Variants in TLN2 observed in about 807,000 individuals in gnomAD.
TLN2 encodes talin-2.
Under a neutral mutation model 294.7 loss-of-function variants are expected in TLN2, and 118 were observed. The ratio of observed to expected loss-of-function variants is 0.40; its 90% CI spans 0.34 to 0.47. The LOEUF (loss-of-function observed/expected upper bound fraction) is 0.47. Among genes scored for constraint, TLN2 ranks in the 20% least tolerant of loss-of-function variants. TLN2 has a pLI of 0.84. For synonymous variants in TLN2, 1,431 were observed against 1,304.5 expected (o/e 1.10, Z -2.09); for missense variants, 3,083 against 3,282.2 (o/e 0.94, Z 1.48).
intron 1 of TLN2, among the ~76,000 whole-genome samples, chr15:62,450,563 GTGTGTGTGTGT>G (rs1233118605): frequency 1.3e-5 from 2 of 148,986 alleles, no homozygotes; most frequent in East Asian, 3.9e-4. Flanking sequence ...GTGTGTGTGT[GTGTGTGTGTGT>G]CTGTGTGTGT....
chr15:62,464,118 A>G (rs2036972773), intron 1 of TLN2, among the ~76,000 whole-genome samples: 1 of 152,244 alleles, frequency 6.6e-6, no homozygotes. Context: ...GAAGACACAC[A>G]CAAACGTGTG....
chr15:62,757,816 T>A (rs1255725421), intron 37 of TLN2, among the ~76,000 whole-genome samples: 1 of 152,106 alleles, frequency 6.6e-6, no homozygotes, highest in East Asian at 1.9e-4. Flanking sequence ...GTGCTGCCCC[T>A]CCGCGTGTGG....
In TLN2 at chr15:62,620,843, T is replaced by C. The variant is rs1263677238; in HGVS notation, c.-37+2368T>C. 5.9e-3 allele frequency among the ~76,000 whole-genome samples: 789 copies of C among 134,320 alleles called. 1 individual carries two copies. Among genetic ancestry groups the C allele is most frequent in the Non-Finnish European group, 9.2e-3 (583 of 63,404 alleles). 88.1% of individuals were successfully genotyped at this position (134,320 alleles called of 152,430 possible). A position where few individuals can be genotyped will look rare whatever the true frequency, so the allele number is the denominator to read the frequency against. On this transcript the variant is annotated intron_variant, in intron 3 of 58. Transcript: ENST00000636159. ...TTTTTTTTTCTTTCTTTTTCTTTTT[T>C]TTTTTTTTTTTTTTTCTGAGACGGA... is the stretch of plus-strand genomic sequence containing the variant.
chr15:62,780,155 C>T (rs1403435869), intron 43 of TLN2, among the ~76,000 whole-genome samples: 1 of 152,244 alleles, frequency 6.6e-6, no homozygotes, highest in Non-Finnish European at 1.5e-5. Flanking sequence ...CTGTTCAGGT[C>T]AGGATGACCT....
chr15:62,816,238 A>T (rs1354497429), intron 52 of TLN2, among the ~76,000 whole-genome samples: 4 of 152,222 alleles, frequency 2.6e-5, no homozygotes, highest in Non-Finnish European at 5.9e-5. Flanking sequence ...AGAGATGTCC[A>T]TTTGAATGAT....
rs1218596623 is a variant in TLN2, at chr15:62,492,505, G to A, written c.-237-97182G>A. Reference sequence around the variant, plus strand: ...CGGGAGGCAGAAGTTGCAGTGAGCCGAGATGGCGCCCCTGGGCGACAGAGC... The same window carrying A: ...CGGGAGGCAGAAGTTGCAGTGAGCCAAGATGGCGCCCCTGGGCGACAGAGC... On this transcript the variant is annotated intron_variant, in intron 1 of 58. Transcript: ENST00000636159. 7.6e-5 allele frequency among the ~76,000 whole-genome samples: 11 copies of A among 145,198 alleles called. No homozygotes were observed. The East Asian group carries it at 2.1e-3, about 27-fold the overall frequency.
intron 21 of TLN2, among the ~76,000 whole-genome samples, chr15:62,709,187 G>A (rs541883503): frequency 1.1e-4 from 17 of 152,272 alleles, no homozygotes; most frequent in Non-Finnish European, 1.8e-4. Context: ...ACCACATGCC[G>A]CACAGGGTCA....
At chr15:62,665,922 C>T (rs1424935393) in intron 9 of TLN2, among the ~76,000 whole-genome samples, 1 of 152,202 alleles carries the variant, frequency 6.6e-6, no homozygotes, top group East Asian at 1.9e-4. Context: ...TGCGTACTTC[C>T]TCCCAGTGAA....
chr15:62,554,828 C>A (rs972849489), intron 1 of TLN2, among the ~76,000 whole-genome samples: 2 of 152,116 alleles, frequency 1.3e-5, no homozygotes, highest in African/African-American at 4.8e-5. Flanking sequence ...TAACTTTGCA[C>A]CTCTGTCCCA....
At chr15:62,677,545 A>G (rs1216146962) in intron 11 of TLN2, among the ~76,000 whole-genome samples, 2 of 152,194 alleles carry the variant, frequency 1.3e-5, no homozygotes, top group Admixed American at 1.3e-4. Context: ...AAATCGGTCC[A>G]TGGTCACCAG....
At chr15:62,655,015 C>T (rs1365786863) in intron 7 of TLN2, among the ~76,000 whole-genome samples, 1 of 151,740 alleles carries the variant, frequency 6.6e-6, no homozygotes, top group Non-Finnish European at 1.5e-5. Flanking sequence ...TCATTATTGC[C>T]ATTGTGTTTA....
intron 1 of TLN2, among the ~76,000 whole-genome samples, chr15:62,480,892 C>A (rs1225700479): frequency 1.3e-5 from 2 of 152,180 alleles, no homozygotes; most frequent in African/African-American, 4.8e-5. Context: ...CTTCCTGGCT[C>A]TGCCTCAAGG....
intron 1 of TLN2, among the ~76,000 whole-genome samples, chr15:62,470,418 C>A (rs932933012): frequency 7.2e-5 from 11 of 152,244 alleles, no homozygotes; most frequent in Non-Finnish European, 1.2e-4. Flanking sequence ...AAGTCAAAGG[C>A]CTGGGCCAGG....
intron 1 of TLN2, among the ~76,000 whole-genome samples, chr15:62,541,091 A>G (rs1223176298): frequency 1.3e-5 from 2 of 152,090 alleles, no homozygotes; most frequent in African/African-American, 4.8e-5. Flanking sequence ...GGGGCTGGGG[A>G]TGATGGGCAG....
chr15:62,406,848 T>C (rs969983807), intron 1 of TLN2, among the ~76,000 whole-genome samples: 2 of 152,176 alleles, frequency 1.3e-5, no homozygotes, highest in African/African-American at 2.4e-5. Flanking sequence ...AACAATCATA[T>C]TGAATTAGGG....
intron 1 of TLN2, among the ~76,000 whole-genome samples, chr15:62,496,730 A>G (rs184261855): frequency 1.3e-5 from 2 of 152,360 alleles, no homozygotes; most frequent in Admixed American, 1.3e-4. Flanking sequence ...CTGGGCCAAC[A>G]TCTGCATAGA....
intron 6 of TLN2, 99 bp from the exon 7 acceptor site, chr15:62,653,063 T>C (rs866036020): frequency 1.9e-6 from 2 of 1,030,350 alleles, no homozygotes; most frequent in East Asian, 2.8e-5. Context: ...TTCTGGTTCT[T>C]TGCCACCAGG....
At chr15:62,829,969 TCTCA>T (rs2068625651) in intron 54 of TLN2, 1 of 152,230 alleles carries the variant, frequency 6.6e-6, no homozygotes, top group Non-Finnish European at 1.5e-5. Context: ...AATGGCAGGA[TCTCA>T]CTCTTTTTTA....
intron 3 of TLN2, among the ~76,000 whole-genome samples, chr15:62,636,065 A>G (rs1287170304): frequency 2.0e-5 from 3 of 152,192 alleles, no homozygotes; most frequent in African/African-American, 7.2e-5. Flanking sequence ...GCTTAGCATC[A>G]GTGCCAGGCG....
Sources: allele counts gnomAD v4.1 joint callset (sites outside exome capture counted in the v4.1 genomes callset), GRCh38; gene constraint gnomAD v4.1.1; transcripts MANE v1.5; gene names NCBI Gene and HGNC (gene_info 2026-07-23, HGNC 2026-07-21).